Variants in CSNK2A2IP observed in about 807,000 individuals in gnomAD.
The protein encoded by CSNK2A2IP is casein kinase II subunit alpha'-interacting protein.
chr3:88,413,018 C>T, the CSNK2A2IP span, among the ~76,000 whole-genome samples: 1 of 151,864 alleles, frequency 6.6e-6, no homozygotes, highest in Non-Finnish European at 1.5e-5. Flanking sequence ...AGTAGGTATC[C>T]CTATTTTGGC....
chr3:88,357,527 G>C, the CSNK2A2IP span, among the ~76,000 whole-genome samples: 1 of 151,994 alleles, frequency 6.6e-6, no homozygotes, highest in Non-Finnish European at 1.5e-5. Context: ...CTCCAACTTT[G>C]TTCCTTTTGC....
the CSNK2A2IP span, among the ~76,000 whole-genome samples, chr3:88,368,921 T>A: frequency 6.6e-6 from 1 of 151,950 alleles, no homozygotes; most frequent in Non-Finnish European, 1.5e-5. Flanking sequence ...AAACCTCTCC[T>A]CACATGTTCC....
the CSNK2A2IP span, among the ~76,000 whole-genome samples, chr3:88,449,858 T>C: frequency 0.19 from 13,368 of 68,606 alleles, 1,473 homozygotes; most frequent in East Asian, 0.38. Context: ...CACACACATA[T>C]ATATATATAT....
the CSNK2A2IP span, among the ~76,000 whole-genome samples, chr3:88,453,286 C>T: frequency 4.6e-5 from 7 of 151,878 alleles, no homozygotes; most frequent in African/African-American, 1.7e-4. Flanking sequence ...TAATATAGGC[C>T]TAATGGTATT....
chr3:88,399,412 A>G, the CSNK2A2IP span, among the ~76,000 whole-genome samples: 2 of 152,330 alleles, frequency 1.3e-5, no homozygotes, highest in South Asian at 4.1e-4. Context: ...GAACTAGGGT[A>G]GCCAAACGCC....
At chr3:88,443,902 A>T in the CSNK2A2IP span, among the ~76,000 whole-genome samples, 1 of 147,344 alleles carries the variant, frequency 6.8e-6, no homozygotes, top group African/African-American at 2.5e-5. Flanking sequence ...AAAAAAAAAA[A>T]TAAAAGTGTA....
At chr3:88,344,402 A>G in the CSNK2A2IP span, among the ~76,000 whole-genome samples, 5 of 151,878 alleles carry the variant, frequency 3.3e-5, no homozygotes, top group African/African-American at 9.7e-5. Flanking sequence ...AACTTTAGTA[A>G]TAACTACAGG....
the CSNK2A2IP span, among the ~76,000 whole-genome samples, chr3:88,429,781 C>T: frequency 6.6e-6 from 1 of 152,120 alleles, no homozygotes; most frequent in Non-Finnish European, 1.5e-5. Flanking sequence ...GAGACGGAGT[C>T]TCGTTCTGTC....
At chr3:88,375,669 A>G in the CSNK2A2IP span, among the ~76,000 whole-genome samples, 4 of 151,836 alleles carry the variant, frequency 2.6e-5, no homozygotes, top group African/African-American at 9.7e-5. Flanking sequence ...CAGTGGGGAA[A>G]GGGAGCCTAC....
At chr3:88,380,623 G>A in the CSNK2A2IP span, among the ~76,000 whole-genome samples, 2 of 151,860 alleles carry the variant, frequency 1.3e-5, no homozygotes, top group African/African-American at 4.8e-5. Context: ...GCACTATTTA[G>A]ACATTAAGGC....
the CSNK2A2IP span, among the ~76,000 whole-genome samples, chr3:88,383,918 C>T: frequency 2.0e-5 from 3 of 152,146 alleles, no homozygotes; most frequent in African/African-American, 7.2e-5. Flanking sequence ...CTGCCTCGGC[C>T]TCCCAAAATG....
chr3:88,458,308 G>A, the CSNK2A2IP span, among the ~76,000 whole-genome samples: 16 of 151,876 alleles, frequency 1.1e-4, no homozygotes, highest in East Asian at 2.7e-3. Context: ...GCGCCACCAC[G>A]CCTGGCTAAT....
the CSNK2A2IP span, among the ~76,000 whole-genome samples, chr3:88,435,824 A>G: frequency 6.1e-4 from 92 of 152,038 alleles, no homozygotes; most frequent in African/African-American, 2.1e-3. Flanking sequence ...GAATCAGCAG[A>G]ATATTTTTAA....
chr3:88,446,782 G>A, the CSNK2A2IP span, among the ~76,000 whole-genome samples: 3 of 152,266 alleles, frequency 2.0e-5, no homozygotes, highest in Admixed American at 6.5e-5. Context: ...ATACACTTCA[G>A]CTATTTGAGA....
chr3:88,387,804 C>T, the CSNK2A2IP span, among the ~76,000 whole-genome samples: 1 of 152,138 alleles, frequency 6.6e-6, no homozygotes, highest in African/African-American at 2.4e-5. Flanking sequence ...CAGCTCACTG[C>T]AGCCTTGAAC....
the CSNK2A2IP span, among the ~76,000 whole-genome samples, chr3:88,355,984 A>G: frequency 1.3e-5 from 2 of 152,134 alleles, no homozygotes; most frequent in African/African-American, 4.8e-5. Context: ...AGTTGTACAT[A>G]CGTATGGGGT....
At chr3:88,343,521 G>GAGTGAAAGTCACTA in the CSNK2A2IP span, among the ~76,000 whole-genome samples, 1 of 151,654 alleles carries the variant, frequency 6.6e-6, no homozygotes, top group East Asian at 1.9e-4. Context: ...GAAAGTCACT[G>GAGTGAAAGTCACTA]ATTTGAGTAA....
chr3:88,358,324 T>C, the CSNK2A2IP span, among the ~76,000 whole-genome samples: 1 of 152,200 alleles, frequency 6.6e-6, no homozygotes, highest in African/African-American at 2.4e-5. Context: ...TGCCCTTTAT[T>C]TCTTTCTCTT....
the CSNK2A2IP span, among the ~76,000 whole-genome samples, chr3:88,444,744 G>C: frequency 6.6e-6 from 1 of 152,130 alleles, no homozygotes; most frequent in Non-Finnish European, 1.5e-5. Context: ...CAATATGAAG[G>C]CAATGTGTAA....
Sources: allele counts gnomAD v4.1 joint callset (sites outside exome capture counted in the v4.1 genomes callset), GRCh38; gene constraint gnomAD v4.1.1; transcripts MANE v1.5; gene names NCBI Gene and HGNC (gene_info 2026-07-23, HGNC 2026-07-21).